DNAI7: variants seen among roughly 807,000 people sequenced by gnomAD.
The protein encoded by DNAI7 is cancer susceptibility 1.
In DNAI7, 78 loss-of-function variants were observed where a neutral mutation model predicts 86.6. The observed-to-expected ratio is 0.90, with a 90% CI of 0.75 to 1.09. The LOEUF (loss-of-function observed/expected upper bound fraction) is 1.09, where lower values mean the gene tolerates loss of function less well. Ranked by LOEUF, DNAI7 falls within the 50% of genes least tolerant of loss-of-function variation. The pLI, the probability that DNAI7 is intolerant of heterozygous loss-of-function variation, is 0.00. For synonymous variants in DNAI7, 274 were observed against 273.0 expected (o/e 1.00, Z -0.04); for missense variants, 753 against 810.2 (o/e 0.93, Z 0.86).
chr12:25,150,366 A>G (rs1260428646), intron 6 of DNAI7, among the ~76,000 whole-genome samples: 1 of 152,270 alleles, frequency 6.6e-6, no homozygotes, highest in East Asian at 1.9e-4. Context: ...GCACTTTGGG[A>G]GGCCAAGGCG....
intron 12 of DNAI7, among the ~76,000 whole-genome samples, chr12:25,115,423 C>T (rs1347034937): frequency 1.3e-5 from 2 of 152,300 alleles, no homozygotes; most frequent in East Asian, 1.9e-4. Context: ...ATTCCCACCT[C>T]CAGCCCCAGG....
chr12:25,113,220 T>C (rs1382050735), intron 13 of DNAI7, among the ~76,000 whole-genome samples: 2 of 152,152 alleles, frequency 1.3e-5, no homozygotes, highest in African/African-American at 2.4e-5. Flanking sequence ...TTAAGGGCAC[T>C]TGCACACTAA....
chr12:25,140,106 T>C (rs1168169353), intron 9 of DNAI7, among the ~76,000 whole-genome samples: 3 of 152,032 alleles, frequency 2.0e-5, no homozygotes, highest in Non-Finnish European at 2.9e-5. Flanking sequence ...TAGGGAAACA[T>C]TGAAAGCATT....
intron 13 of DNAI7, among the ~76,000 whole-genome samples, chr12:25,113,240 G>A (rs1030160602): frequency 1.4e-4 from 21 of 151,914 alleles, no homozygotes; most frequent in Admixed American, 4.6e-4. Flanking sequence ...ATAATTCTAC[G>A]GCACTCCATC....
intron 9 of DNAI7, among the ~76,000 whole-genome samples, chr12:25,129,831 C>T (rs1401784541): frequency 6.6e-6 from 1 of 151,528 alleles, no homozygotes; most frequent in African/African-American, 2.4e-5. Context: ...GGCATGATCT[C>T]AGCTCACCGC....
At position 25,123,285 on chromosome 12, in the gene DNAI7, C is replaced by T. The variant is rs774771591; in HGVS notation, c.1004G>A (p.Ser335Asn). 6.2e-7 allele frequency: 1 copy of T among 1,603,264 alleles called. No homozygotes were observed. Among genetic ancestry groups the T allele is most frequent in the Non-Finnish European group, 8.5e-7 (1 of 1,175,140 alleles). ...GGCTTCAGATTCTTCCTCAGCAGAA[C>T]TCTATAAAAAACCACAGACATATGG... ...EEQGDIEVKM[S>N]SAEEESEAIK... Residue 335 changes from serine to asparagine, a missense_variant and splice_region_variant, in exon 10 of 16, where the codon AGT (serine) becomes AAT (asparagine). By Grantham distance (46) the Ser-to-Asn change is conservative. Coordinates refer to ENST00000395987, the MANE Select transcript of DNAI7 (RefSeq NM_018272.5).
chr12:25,161,585 A>G (rs1283348028), intron 2 of DNAI7, among the ~76,000 whole-genome samples: 3 of 152,264 alleles, frequency 2.0e-5, no homozygotes, highest in Non-Finnish European at 4.4e-5. Flanking sequence ...AAGTATTCTT[A>G]TGACTAACAG....
intron 4 of DNAI7, among the ~76,000 whole-genome samples, chr12:25,158,200 G>A (rs1946421912): frequency 6.6e-6 from 1 of 151,842 alleles, no homozygotes; most frequent in South Asian, 2.1e-4. Context: ...CTGCACTCCA[G>A]CCTGGGCAAC....
chr12:25,141,551 C>T (rs1411583492), intron 9 of DNAI7, among the ~76,000 whole-genome samples: 1 of 152,164 alleles, frequency 6.6e-6, no homozygotes, highest in East Asian at 1.9e-4. Flanking sequence ...CCATAATTGG[C>T]ACGGTGCAGT....
At chr12:25,129,554 T>C (rs1006066642) in intron 9 of DNAI7, among the ~76,000 whole-genome samples, 7 of 152,104 alleles carry the variant, frequency 4.6e-5, no homozygotes, top group African/African-American at 1.7e-4. Flanking sequence ...TTCCCATGGA[T>C]TTTTAATTTA....
At chr12:25,164,835 T>C (rs992335090) in intron 2 of DNAI7, among the ~76,000 whole-genome samples, 12 of 151,966 alleles carry the variant, frequency 7.9e-5, no homozygotes, top group Admixed American at 4.6e-4. Flanking sequence ...TAGGTCACAA[T>C]TCTTCCTCAG....
intron 13 of DNAI7, among the ~76,000 whole-genome samples, chr12:25,113,941 T>TC (rs1939514591): frequency 1.4e-5 from 1 of 71,458 alleles, no homozygotes. Flanking sequence ...TTTCTGGGTT[T>TC]TTTTTTTTTT....
At chr12:25,152,195 C>T (rs576837328) in intron 6 of DNAI7, among the ~76,000 whole-genome samples, 1 of 152,310 alleles carries the variant, frequency 6.6e-6, no homozygotes, top group Admixed American at 6.5e-5. Context: ...ATAATAAGCC[C>T]TTTTCAACCT....
intron 1 of DNAI7, among the ~76,000 whole-genome samples, chr12:25,193,678 G>A (rs1950742610): frequency 8.8e-6 from 1 of 113,284 alleles, no homozygotes; most frequent in South Asian, 3.8e-4. Flanking sequence ...ATTGGGAGAA[G>A]GATCTAAGAA....
At chr12:25,171,754 A>G (rs963731153) in intron 2 of DNAI7, among the ~76,000 whole-genome samples, 1 of 152,218 alleles carries the variant, frequency 6.6e-6, no homozygotes, top group South Asian at 2.1e-4. Context: ...TCAACAACAC[A>G]TCAAAAAGAT....
At chr12:25,113,193 G>C (rs1939307875) in intron 13 of DNAI7, among the ~76,000 whole-genome samples, 1 of 152,074 alleles carries the variant, frequency 6.6e-6, no homozygotes, top group Non-Finnish European at 1.5e-5. Context: ...ACAACAGGAG[G>C]GTAGACCAGA....
At chr12:25,186,202 T>C (rs1156646522) in intron 2 of DNAI7, among the ~76,000 whole-genome samples, 3 of 152,186 alleles carry the variant, frequency 2.0e-5, no homozygotes, top group Non-Finnish European at 4.4e-5. Context: ...ACATCAGGTA[T>C]CATAACCTTT....
At chr12:25,161,581 T>A (rs778947402) in intron 2 of DNAI7, among the ~76,000 whole-genome samples, 5 of 152,236 alleles carry the variant, frequency 3.3e-5, no homozygotes, top group Non-Finnish European at 5.9e-5. Flanking sequence ...TGAAAAGTAT[T>A]CTTATGACTA....
At chr12:25,187,584 G>T (rs1408161699) in intron 2 of DNAI7, among the ~76,000 whole-genome samples, 3 of 152,098 alleles carry the variant, frequency 2.0e-5, no homozygotes, top group Admixed American at 6.6e-5. Context: ...TTCCATGTTT[G>T]CAAGAACTTA....
Sources: gnomAD v4.1 joint callset for allele counts (sites outside exome capture counted in the v4.1 genomes callset) on GRCh38, gnomAD v4.1.1 for gene constraint, MANE v1.5 for transcripts, NCBI Gene and HGNC (gene_info 2026-07-23, HGNC 2026-07-21) for gene names.